HSPG2: variants seen among roughly 807,000 people sequenced by gnomAD.
The protein encoded by HSPG2 is basement membrane-specific heparan sulfate proteoglycan core protein.
HSPG2 carries 278 observed loss-of-function variants against 526.6 expected under a neutral mutation model. That is an observed-to-expected ratio of 0.53 (90% confidence interval 0.48 to 0.58). The LOEUF is 0.58. Ranked by LOEUF, HSPG2 falls within the 20% of genes least tolerant of loss-of-function variation. The probability of loss-of-function intolerance (pLI) is 0.00; values close to 1 mark genes in which losing one functional copy is unlikely to be tolerated. For missense variants in HSPG2, 5,354 were observed against 6,099.5 expected (o/e 0.88, Z 4.07); for synonymous variants, 2,465 against 2,555.4 (o/e 0.96, Z 1.07).
In HSPG2 at chr1:21,846,173, C is replaced by T. The variant is rs563476216; in HGVS notation, c.8399G>A (p.Gly2800Asp). Reference sequence around the variant, plus strand: ...GACCAGGACTGAGGCCTCCAGGGGGCCAGAGCTGCCCATCACCCGGCACAC... The same window carrying T: ...GACCAGGACTGAGGCCTCCAGGGGGTCAGAGCTGCCCATCACCCGGCACAC... ...EYVCRVMGSS[G>D]PLEASVLVTI... The change falls in exon 64 of 97, where the codon GGC becomes GAC. Residue 2800 changes from glycine (G) to aspartate (D), a missense_variant. Coordinates refer to ENST00000374695, the MANE Select transcript of HSPG2 (RefSeq NM_005529.7). 13 of 1,613,116 alleles carry T rather than the reference C, an allele frequency of 8.1e-6. No homozygotes were observed. In the East Asian group the frequency reaches 2.9e-4, roughly 36 times the overall value.
In HSPG2 at chr1:21,855,643, G is replaced by C. The variant is rs1401739172; in HGVS notation, c.5734C>G (p.Gln1912Glu). The C allele has an allele frequency of 6.3e-7, 1 of 1,575,840 alleles. No individual in the cohort carries two copies. The highest frequency in any genetic ancestry group is 2.3e-5 in the East Asian group (1 of 43,302). ...AGGCGCAGGATGCCGCCGTGGATTT[G>C]TGCCTTCGCAGGGAGCTGGCCGCCG... ...GPGGQLPAKA[Q>E]IHGGILRLPA... The change falls in exon 46 of 97, where the codon CAA (glutamine) becomes GAA (glutamate). Residue 1912 changes from glutamine (Q) to glutamate (E), a missense_variant. Transcript: ENST00000374695.
At chr1:21,845,901 C>A (rs558344251) in intron 64 of HSPG2, among the ~76,000 whole-genome samples, 1 of 152,192 alleles carries the variant, frequency 6.6e-6, no homozygotes, top group African/African-American at 2.4e-5. Context: ...AGCCTATGCT[C>A]GCAAGCCGTG....
At chr1:21,897,815 A>T (rs1642859663) in intron 1 of HSPG2, among the ~76,000 whole-genome samples, 1 of 152,166 alleles carries the variant, frequency 6.6e-6, no homozygotes, top group African/African-American at 2.4e-5. Context: ...CCCTGGGCAT[A>T]CATATCTCAT....
In HSPG2 at chr1:21,850,491, C is replaced by A. The variant is rs1638805747; in HGVS notation, c.7166G>T (p.Gly2389Val). 4.3e-6 allele frequency: 7 copies of A among 1,609,464 alleles called. No homozygotes were observed. Among genetic ancestry groups the A allele is most frequent in the Non-Finnish European group, 5.9e-6 (7 of 1,177,746 alleles). Reference sequence around the variant, plus strand: ...CGCTTGGTAGAGTCTCAGCAGGGAGCCGTGGGTCTGGCCAGAATGGGGGTG... The same window carrying A: ...CGCTTGGTAGAGTCTCAGCAGGGAGACGTGGGTCTGGCCAGAATGGGGGTG... ...GSLPVRHQTHGSLLRLYQASP... is the reference protein window; with the variant it reads ...GSLPVRHQTHVSLLRLYQASP... Residue 2389 changes from glycine (G) to valine (V), a missense_variant, in exon 56 of 97, where the codon GGC (glycine) becomes GTC (valine). Physicochemically the swap from Gly to Val is moderately radical, Grantham distance 109. Coordinates refer to ENST00000374695, the MANE Select transcript of HSPG2 (RefSeq NM_005529.7).
At chr1:21,867,440 T>C (rs1274267151) in intron 33 of HSPG2, among the ~76,000 whole-genome samples, 1 of 152,160 alleles carries the variant, frequency 6.6e-6, no homozygotes, top group African/African-American at 2.4e-5. Context: ...GGGTTCAAAC[T>C]CTAGCTCTAC....
At position 21,848,865 on chromosome 1, in the gene HSPG2, C is replaced by G. The variant is rs775711536; in HGVS notation, c.7585+28G>C. 1 of 1,611,494 alleles carries G rather than the reference C, an allele frequency of 6.2e-7. No homozygotes were observed. Among genetic ancestry groups the G allele is most frequent in the African/African-American group, 1.3e-5 (1 of 74,324 alleles). ...GCAGTCGGGGTCCCCCAGCCCTCCA[C>G]CATTTGCATGACCCCCGAGACACTC... On this transcript the variant is annotated intron_variant, in intron 58 of 96. Transcript: ENST00000374695. The surrounding 1 kb of genome is among the most constrained non-coding windows in gnomAD (Gnocchi z 4.9).
chr1:21,859,941 G>C lies in HSPG2; in HGVS notation c.5076C>G (p.Gly1692=), dbSNP rs1411967953. The change falls in exon 41 of 97, where the codon GGC becomes GGG. Residue 1692 remains glycine, a synonymous_variant. Coordinates refer to ENST00000374695, the MANE Select transcript of HSPG2 (RefSeq NM_005529.7). This position sits in a 1 kb window ranked among gnomAD's most constrained non-coding sequence, Gnocchi z 5.3. ...HPARSIVPQG[G]SHSLRCQVSG... ...TGACCTGACACCGCAGGGAGTGGGAGCCACCTTGGGGCACTATGCTTCGAG... is the reference window on the plus strand; with the variant it reads ...TGACCTGACACCGCAGGGAGTGGGACCCACCTTGGGGCACTATGCTTCGAG... 2 of 1,610,562 alleles carry C rather than the reference G, an allele frequency of 1.2e-6. No individual in the cohort carries two copies. The highest frequency in any genetic ancestry group is 1.1e-5 in the South Asian group (1 of 90,060).
intron 71 of HSPG2, among the ~76,000 whole-genome samples, chr1:21,840,250 G>A (rs896107453): frequency 2.6e-5 from 4 of 152,136 alleles, no homozygotes; most frequent in Non-Finnish European, 5.9e-5. Flanking sequence ...CAATCCTCTC[G>A]CCTCAGCCTC....
At chr1:21,857,531 C>G (rs578067923) in intron 42 of HSPG2, 146 bp from the exon 43 acceptor site, 5 of 761,724 alleles carry the variant, frequency 6.6e-6, no homozygotes, top group Admixed American at 4.0e-5. Context: ...CTCCCTCCCC[C>G]ATTCTGGCTG....
chr1:21,862,274 C>T (rs543258246), intron 37 of HSPG2, among the ~76,000 whole-genome samples, 159 bp from the exon 38 acceptor site: 1 of 152,306 alleles, frequency 6.6e-6, no homozygotes, highest in East Asian at 1.9e-4. Flanking sequence ...GGACACTCAT[C>T]TCCGTGGTGT....
intron 30 of HSPG2, 66 bp from the exon 31 acceptor site, chr1:21,873,157 T>G: frequency 4.4e-6 from 6 of 1,365,090 alleles, no homozygotes; most frequent in Non-Finnish European, 6.2e-6. Flanking sequence ...TTCCCTCCAC[T>G]CTGCTCACCA....
intron 1 of HSPG2, among the ~76,000 whole-genome samples, chr1:21,929,024 T>G (rs1043717289): frequency 6.6e-6 from 1 of 152,202 alleles, no homozygotes; most frequent in Non-Finnish European, 1.5e-5. Flanking sequence ...CCTCCCAAAG[T>G]GCTGGGATTA....
chr1:21,926,449 G>A (rs1190544580), intron 1 of HSPG2, among the ~76,000 whole-genome samples: 1 of 152,070 alleles, frequency 6.6e-6, no homozygotes, highest in African/African-American at 2.4e-5. Flanking sequence ...AAAGGGTGAA[G>A]AGCCGTGAAA....
rs140067347 is a variant in HSPG2, at chr1:21,847,367, G to T, written c.8151C>A (p.Ala2717=). 62 of 1,613,978 alleles carry T rather than the reference G, an allele frequency of 3.8e-5. No individual in the cohort carries two copies. Among genetic ancestry groups the T allele is most frequent in the African/African-American group, 3.2e-4 (24 of 75,066 alleles). ...AGGCAGACTCACCGGAGGGGCTGCC[G>T]GCGCTAGGGGAGACGGAGATGACGA... is the stretch of plus-strand genomic sequence containing the variant. ...ASIVISVSPS[A]GSPSAPGSSM... is the part of the protein sequence containing the mutation. Residue 2717 remains alanine, a synonymous_variant, in exon 62 of 97, where the codon GCC becomes GCA. Coordinates refer to ENST00000374695, the MANE Select transcript of HSPG2 (RefSeq NM_005529.7). This position sits in a 1 kb window ranked among gnomAD's most constrained non-coding sequence, Gnocchi z 4.1.
At chr1:21,841,965 C>A in intron 69 of HSPG2, 37 bp downstream of exon 69, 1 of 1,610,872 alleles carries the variant, frequency 6.2e-7, no homozygotes, top group Non-Finnish European at 8.5e-7. Context: ...CCCATGCCTG[C>A]CCCCAGCTTG....
At chr1:21,901,212 A>G (rs1247901683) in intron 1 of HSPG2, among the ~76,000 whole-genome samples, 3 of 152,100 alleles carry the variant, frequency 2.0e-5, no homozygotes, top group Non-Finnish European at 4.4e-5. Context: ...CTCAGAGAGA[A>G]TCGGCTGGGT....
chr1:21,876,076 C>G, intron 23 of HSPG2, 34 bp from the exon 24 acceptor site: 4 of 1,611,446 alleles, frequency 2.5e-6, no homozygotes, highest in Non-Finnish European at 3.4e-6. Context: ...CTTGCGGAGG[C>G]CTGAATTCGG....
chr1:21,830,258 C>T, intron 85 of HSPG2, 167 bp from the exon 86 acceptor site: 2 of 631,192 alleles, frequency 3.2e-6, no homozygotes, highest in Non-Finnish European at 5.7e-6. Context: ...AAGGCGGGAG[C>T]CAGAAGAGGC....
chr1:21,833,975 T>C (rs1023224427), intron 77 of HSPG2, 50 bp from the exon 78 acceptor site: 2 of 1,265,462 alleles, frequency 1.6e-6, no homozygotes, highest in African/African-American at 3.0e-5. Flanking sequence ...GTCACAGATA[T>C]GTGCCCAGCC....
Sources: allele counts gnomAD v4.1 joint callset (sites outside exome capture counted in the v4.1 genomes callset), GRCh38; gene constraint gnomAD v4.1.1; non-coding constraint Gnocchi (gnomAD v3.1); transcripts MANE v1.5; gene names NCBI Gene and HGNC (gene_info 2026-07-23, HGNC 2026-07-21).